The following MINDY4 variants were observed in gnomAD, a reference collection of about 807,000 sequenced individuals.
The protein encoded by MINDY4 is probable ubiquitin carboxyl-terminal hydrolase MINDY-4.
A neutral mutation model predicts 87.0 loss-of-function variants in MINDY4; 68 were observed. The observed-to-expected ratio is 0.78, with a 90% confidence interval of 0.64 to 0.96. The LOEUF (loss-of-function observed/expected upper bound fraction) is 0.96. Among genes scored for constraint, MINDY4 ranks in the 40% least tolerant of loss-of-function variants. The pLI is 0.00. For missense variants in MINDY4, 919 were observed against 928.2 expected, an observed-to-expected ratio of 0.99 and a Z score of 0.13; for synonymous variants, 379 against 363.2, an observed-to-expected ratio of 1.04 and a Z score of -0.50.
intron 1 of MINDY4, among the ~76,000 whole-genome samples, chr7:30,775,650 C>T (rs1244741059): frequency 6.6e-6 from 1 of 152,192 alleles, no homozygotes; most frequent in Admixed American, 6.5e-5. Context: ...GCCCTCTAAT[C>T]AAGGTTTGCT....
chr7:30,810,120 G>A (rs552798801), intron 5 of MINDY4, among the ~76,000 whole-genome samples: 7 of 142,260 alleles, frequency 4.9e-5, no homozygotes, highest in South Asian at 2.2e-4. Context: ...AGGTTGTGGC[G>A]AGCCGAGATT....
Position 30,778,455 on chromosome 7 carries a change from C to T in MINDY4, c.87C>T (p.Thr29=). 1 of 1,614,162 alleles carries T rather than the reference C, an allele frequency of 6.2e-7. No homozygotes were observed. Among genetic ancestry groups the T allele is most frequent in the Non-Finnish European group, 8.5e-7 (1 of 1,180,012 alleles). ...SRKGLKKTCV[T]MDQERPRSDL... ...AGGGCTTAAAGAAGACATGTGTGAC[C>T]ATGGACCAGGAACGCCCACGCTCTG... The change falls in exon 2 of 18, where the codon ACC becomes ACT. Residue 29 remains threonine (T), a synonymous_variant. Coordinates refer to ENST00000265299, the MANE Select transcript of MINDY4 (RefSeq NM_032222.3).
intron 12 of MINDY4, chr7:30,858,390 A>G (rs1789644681): frequency 6.6e-6 from 1 of 152,196 alleles, no homozygotes; most frequent in Admixed American, 6.5e-5. Flanking sequence ...CTCTTTTTAC[A>G]GATGAGAAGA....
At chr7:30,857,734 C>A (rs1789621987) in intron 12 of MINDY4, 2 of 151,440 alleles carry the variant, frequency 1.3e-5, no homozygotes, top group Admixed American at 6.6e-5. Context: ...CAGGCGTGAG[C>A]CACCGCGCCC....
intron 9 of MINDY4, among the ~76,000 whole-genome samples, chr7:30,849,418 G>A (rs753645859): frequency 1.3e-5 from 2 of 152,142 alleles, no homozygotes; most frequent in African/African-American, 4.8e-5. Flanking sequence ...AGTACACCTC[G>A]AAGGAGTCCT....
chr7:30,851,642 G>A (rs1789415886), intron 10 of MINDY4, among the ~76,000 whole-genome samples: 1 of 152,180 alleles, frequency 6.6e-6, no homozygotes. Flanking sequence ...GCAGCCCTGA[G>A]AACAGATGGG....
At chr7:30,867,772 C>A (rs905118773) in intron 13 of MINDY4, among the ~76,000 whole-genome samples, 1 of 152,116 alleles carries the variant, frequency 6.6e-6, no homozygotes, top group Non-Finnish European at 1.5e-5. Flanking sequence ...GGACAGGGAT[C>A]CTCCAGGGCC....
At chr7:30,800,439 C>CG (rs1288215998) in intron 5 of MINDY4, among the ~76,000 whole-genome samples, 1 of 152,176 alleles carries the variant, frequency 6.6e-6, no homozygotes, top group African/African-American at 2.4e-5. Context: ...GGCTGGGTCA[C>CG]GTCCTTTTGT....
chr7:30,860,783 T>C (rs571817132), intron 13 of MINDY4, among the ~76,000 whole-genome samples: 15 of 152,258 alleles, frequency 9.9e-5, no homozygotes, highest in African/African-American at 3.6e-4. Context: ...CCAGTCTTCA[T>C]GTTGTGCACA....
At chr7:30,870,449 C>T (rs1405687412) in intron 13 of MINDY4, among the ~76,000 whole-genome samples, 1 of 152,224 alleles carries the variant, frequency 6.6e-6, no homozygotes, top group Non-Finnish European at 1.5e-5. Flanking sequence ...CTGGCTCCTT[C>T]CCAGGCCTGC....
chr7:30,858,688 C>G, intron 12 of MINDY4: 1 of 168,074 alleles, frequency 5.9e-6, no homozygotes, highest in South Asian at 1.4e-4. Context: ...AGACATGCAT[C>G]TACATGGCTG....
intron 9 of MINDY4, among the ~76,000 whole-genome samples, chr7:30,844,198 C>CA (rs1314571678): frequency 2.7e-4 from 41 of 152,152 alleles, no homozygotes; most frequent in African/African-American, 9.9e-4. Context: ...CCTGCTCCCA[C>CA]AGACCTCCTA....
At chr7:30,823,436 C>G (rs1225675473) in intron 5 of MINDY4, among the ~76,000 whole-genome samples, 3 of 152,162 alleles carry the variant, frequency 2.0e-5, no homozygotes, top group Non-Finnish European at 4.4e-5. Flanking sequence ...TCTTCTTTCT[C>G]TTTTCCTTGC....
chr7:30,883,175 G>A (rs945445531), intron 17 of MINDY4, among the ~76,000 whole-genome samples, 182 bp downstream of exon 17: 2 of 152,216 alleles, frequency 1.3e-5, no homozygotes, highest in African/African-American at 4.8e-5. Flanking sequence ...AGGTTCAGGA[G>A]TGTGTGGTCT....
chr7:30,883,699 T>A (rs1790543519), intron 17 of MINDY4, among the ~76,000 whole-genome samples: 1 of 152,168 alleles, frequency 6.6e-6, no homozygotes, highest in Non-Finnish European at 1.5e-5. Context: ...CGGCAGGCCC[T>A]TCACAAAGCC....
chr7:30,823,378 A>G (rs909600954), intron 5 of MINDY4, among the ~76,000 whole-genome samples: 1 of 152,144 alleles, frequency 6.6e-6, no homozygotes, highest in African/African-American at 2.4e-5. Context: ...TAATTTTATA[A>G]TTCCTTCTAC....
intron 1 of MINDY4, 114 bp downstream of exon 1, chr7:30,771,670 C>T: frequency 4.0e-6 from 4 of 996,118 alleles, no homozygotes; most frequent in Non-Finnish European, 4.4e-6. Context: ...CTACCTACTG[C>T]CTGCTCCAGA....
intron 5 of MINDY4, among the ~76,000 whole-genome samples, chr7:30,805,822 A>G (rs1367858307): frequency 1.3e-5 from 2 of 152,174 alleles, no homozygotes; most frequent in East Asian, 3.9e-4. Context: ...AGCTCAAGAA[A>G]GAAGAAGGTT....
chr7:30,870,304 C>T (rs1438880271), intron 13 of MINDY4, among the ~76,000 whole-genome samples: 1 of 152,212 alleles, frequency 6.6e-6, no homozygotes, highest in East Asian at 1.9e-4. Context: ...TTATCGGCCC[C>T]CCCTCAGGAC....
Sources: allele counts gnomAD v4.1 joint callset (sites outside exome capture counted in the v4.1 genomes callset), GRCh38; gene constraint gnomAD v4.1.1; transcripts MANE v1.5; gene names NCBI Gene and HGNC (gene_info 2026-07-23, HGNC 2026-07-21).